The following TEX15 variants were observed in gnomAD, a reference collection of about 807,000 sequenced individuals.
TEX15 encodes testis-expressed protein 15.
TEX15 carries 171 observed loss-of-function variants against 237.3 expected under a neutral mutation model. That is an observed-to-expected ratio of 0.72 (90% CI 0.64 to 0.82). The LOEUF is 0.82. TEX15 is among the 40% of genes least tolerant of loss of function. The pLI is 0.00. For missense variants in TEX15, 3,750 were observed against 3,646.5 expected, an observed-to-expected ratio of 1.03 and a Z score of -0.73; for synonymous variants, 1,338 against 1,269.8, an observed-to-expected ratio of 1.05 and a Z score of -1.14.
chr8:30,851,293 G>A (rs1807778256), intron 7 of TEX15, among the ~76,000 whole-genome samples: 1 of 152,206 alleles, frequency 6.6e-6, no homozygotes, highest in Non-Finnish European at 1.5e-5. Flanking sequence ...TATAACAAAT[G>A]TCCTAGAAGA....
At chr8:30,854,590 T>C (rs1807866131) in intron 7 of TEX15, among the ~76,000 whole-genome samples, 1 of 152,116 alleles carries the variant, frequency 6.6e-6, no homozygotes, top group African/African-American at 2.4e-5. Context: ...CAATTCTTCA[T>C]ATATTATTCC....
intron 4 of TEX15, among the ~76,000 whole-genome samples, chr8:30,872,951 A>T (rs1318606210): frequency 2.0e-5 from 3 of 152,294 alleles, no homozygotes; most frequent in East Asian, 3.9e-4. Context: ...AGCGTAGCCT[A>T]AGTGTACAGT....
chr8:30,836,966 T>C lies in TEX15; in HGVS notation c.9318A>G (p.Ala3106=). 4 of 1,614,206 alleles carry C rather than the reference T, an allele frequency of 2.5e-6. No homozygotes were observed. The highest frequency in any genetic ancestry group is 3.4e-6 in the Non-Finnish European group (4 of 1,180,038). The change falls in exon 10 of 11, where the codon GCA becomes GCG. Residue 3106 remains alanine, a synonymous_variant. Coordinates refer to ENST00000643185, the MANE Select transcript of TEX15 (RefSeq NM_001350162.2). ...ACCCATTCACTGGCACAAAGCCATTTGCTTGTGGCTCCCCCGCAAAATAAG... is the reference window on the plus strand; with the variant it reads ...ACCCATTCACTGGCACAAAGCCATTCGCTTGTGGCTCCCCCGCAAAATAAG... The part of the protein sequence containing the change: ...YFTYFAGEPQ[A]NGFVPVNGYF...
At position 30,859,957 on chromosome 8, in the gene TEX15, G is replaced by A. The variant is rs778522785; in HGVS notation, c.641C>T (p.Ala214Val). Residue 214 changes from alanine to valine, a missense_variant, in exon 6 of 11, where the codon GCA becomes GTA. Ala to Val is a moderately conservative substitution (Grantham distance 64). Transcript: ENST00000643185. ...TTCAATGGTATCTTTCAAAGAAGGT[G>A]CATTTCTTGACATATGGCAATCAAA... Reference protein sequence around the residue: ...PNFDCHMSRNAPSLKDTIELQ... With the variant: ...PNFDCHMSRNVPSLKDTIELQ... 1 of 1,514,872 alleles carries A rather than the reference G, an allele frequency of 6.6e-7. No homozygotes were observed. The highest frequency in any genetic ancestry group is 1.3e-5 in the South Asian group (1 of 78,442). The allele number at this position is 1,514,872 out of a possible 1,614,324, so 93.8% of individuals were successfully genotyped here.
In TEX15 at chr8:30,843,321, C is replaced by G. The variant is rs778514349; in HGVS notation, c.6846G>C (p.Glu2282Asp). 6.2e-7 allele frequency: 1 copy of G among 1,611,902 alleles called. No homozygotes were observed. Among genetic ancestry groups the G allele is most frequent in the Non-Finnish European group, 8.5e-7 (1 of 1,179,356 alleles). Residue 2282 changes from glutamate to aspartate, a missense_variant, in exon 8 of 11, where the codon GAG becomes GAC. Coordinates refer to ENST00000643185, the MANE Select transcript of TEX15 (RefSeq NM_001350162.2). Reference sequence around the variant, plus strand: ...ATTTTTTGCTGAAGGATTGTGTTCTCTCTTTCCAAACAAGATTTTTTGCAG... The same window carrying G: ...ATTTTTTGCTGAAGGATTGTGTTCTGTCTTTCCAAACAAGATTTTTTGCAG... Reference protein sequence around the residue: ...FDAAKNLVWKERTQSFSKKYS... With the variant: ...FDAAKNLVWKDRTQSFSKKYS...
intron 1 of TEX15, among the ~76,000 whole-genome samples, chr8:30,903,718 C>G (rs1303746827): frequency 1.3e-5 from 2 of 152,222 alleles, no homozygotes; most frequent in African/African-American, 2.4e-5. Flanking sequence ...ATGCCATCCT[C>G]TGTGTTACTG....
At position 30,904,581 on chromosome 8, in the gene TEX15, C is replaced by T. The variant is rs189194421; in HGVS notation, c.-85-5764G>A. On this transcript the variant is annotated intron_variant, in intron 1 of 10. Coordinates refer to ENST00000643185, the MANE Select transcript of TEX15 (RefSeq NM_001350162.2). ...TTTTTAACTAGAAATTCATAAATTTCTAACTAGGATTGACCAATACTGAAT... is the reference window on the plus strand; with the variant it reads ...TTTTTAACTAGAAATTCATAAATTTTTAACTAGGATTGACCAATACTGAAT... Among the ~76,000 whole-genome samples the T allele has an allele frequency of 1.5e-3, 235 of 152,114 alleles. 1 individual carries two copies. The highest frequency in any genetic ancestry group is 5.4e-3 in the African/African-American group (225 of 41,492).
Position 30,879,937 on chromosome 8 carries a change from T to A in TEX15, c.137-4835A>T, listed in dbSNP as rs1306257218. Among the ~76,000 whole-genome samples, 6 of 146,248 alleles carry A rather than the reference T, an allele frequency of 4.1e-5. No individual in the cohort carries two copies. In the South Asian group the frequency reaches 8.6e-4, roughly 21 times the overall value. Reference sequence around the variant, plus strand: ...ATTTATTTAGATTTCCTTTTTTTTTTTAAAAAAAAAAATCAGTATTTTATA... The same window carrying A: ...ATTTATTTAGATTTCCTTTTTTTTTATAAAAAAAAAAATCAGTATTTTATA... On this transcript the variant is annotated intron_variant, in intron 3 of 10. Transcript: ENST00000643185.
chr8:30,880,769 G>T (rs1808502782), intron 3 of TEX15, among the ~76,000 whole-genome samples: 1 of 145,804 alleles, frequency 6.9e-6, no homozygotes. Flanking sequence ...TGAGTTATAT[G>T]CAGATTTTTC....
rs1434239609 is a variant in TEX15 at position 30,844,781 on chromosome 8, C to T, written c.5386G>A (p.Ala1796Thr). 5.0e-6 allele frequency: 8 copies of T among 1,613,356 alleles called. No individual in the cohort carries two copies. The African/African-American group carries it at 8.0e-5, about 16-fold the overall frequency. Residue 1796 changes from alanine (A) to threonine (T), a missense_variant, in exon 8 of 11, where the codon GCA becomes ACA. By Grantham distance (58) the Ala-to-Thr change is moderately conservative. Coordinates refer to ENST00000643185, the MANE Select transcript of TEX15 (RefSeq NM_001350162.2). The stretch of plus-strand genomic sequence containing the variant: ...CTTTTATCTTCTTCAGTTCCTGATG[C>T]TACATCCAACTCATAATTCTCAGTG... ...NVTENYELDV[A>T]SGTEEDKSYG...
chr8:30,858,713 T>C lies in TEX15; in HGVS notation c.805A>G (p.Met269Val), dbSNP rs1265169246. 7.2e-6 allele frequency: 11 copies of C among 1,535,814 alleles called. No individual in the cohort carries two copies. Among genetic ancestry groups the C allele is most frequent in the Non-Finnish European group, 6.1e-6 (7 of 1,146,794 alleles). The change falls in exon 7 of 11, where the codon ATG becomes GTG. Residue 269 changes from methionine (M) to valine (V), a missense_variant. By Grantham distance (21) the Met-to-Val change is conservative. Coordinates refer to ENST00000643185, the MANE Select transcript of TEX15 (RefSeq NM_001350162.2). Reference sequence around the variant, plus strand: ...GTTGAGAGGAATCTCAAAGATGTCATAAGGCGTCCATTATCTACTTTTGAA... The same window carrying C: ...GTTGAGAGGAATCTCAAAGATGTCACAAGGCGTCCATTATCTACTTTTGAA... ...LGSKVDNGRL[M>V]TSLRFLSTGF...
chr8:30,895,738 T>A (rs980862903), intron 2 of TEX15, among the ~76,000 whole-genome samples: 2 of 134,320 alleles, frequency 1.5e-5, no homozygotes, highest in Non-Finnish European at 3.1e-5. Context: ...TGGAGTGCAG[T>A]GGTGCGATCT....
chr8:30,879,325 T>C (rs768094920), intron 3 of TEX15, among the ~76,000 whole-genome samples: 32 of 152,222 alleles, frequency 2.1e-4, no homozygotes, highest in Non-Finnish European at 3.8e-4. Flanking sequence ...GATTGTGTTT[T>C]TGGTATCATG....
intron 6 of TEX15, among the ~76,000 whole-genome samples, chr8:30,859,628 C>G (rs1017108441): frequency 3.3e-5 from 5 of 152,034 alleles, no homozygotes; most frequent in Non-Finnish European, 7.4e-5. Flanking sequence ...TGCTGTGCAG[C>G]CTTGTTTAAA....
intron 1 of TEX15, among the ~76,000 whole-genome samples, chr8:30,899,243 A>G (rs2344115): frequency 0.46 from 70,197 of 152,014 alleles, 21,243 homozygotes; most frequent in African/African-American, 0.87. Context: ...TACATGCTAC[A>G]CACAGTATAG....
chr8:30,911,380 G>C (rs958720737), intron 1 of TEX15, among the ~76,000 whole-genome samples: 1 of 152,098 alleles, frequency 6.6e-6, no homozygotes, highest in Non-Finnish European at 1.5e-5. Context: ...TCGAACTCCT[G>C]GGCTCATGCG....
Position 30,844,392 on chromosome 8 carries a change from C to T in TEX15, c.5775G>A (p.Lys1925=). 1.2e-6 allele frequency: 2 copies of T among 1,610,244 alleles called. No homozygotes were observed. Among genetic ancestry groups the T allele is most frequent in the Non-Finnish European group, 1.7e-6 (2 of 1,178,550 alleles). Residue 1925 remains lysine (K), a synonymous_variant, in exon 8 of 11, where the codon AAG becomes AAA. Coordinates refer to ENST00000643185, the MANE Select transcript of TEX15 (RefSeq NM_001350162.2). ...AGTCTTTACTAACTTTAATTTCCCC[C>T]TTCTTCTCTCTTTTGTTAAGCGGAT... The part of the protein sequence containing the change: ...VSNPLNKREK[K]GEIKVSKDSQ...
intron 8 of TEX15, among the ~76,000 whole-genome samples, chr8:30,840,575 C>T (rs561096662): frequency 2.2e-4 from 34 of 152,242 alleles, no homozygotes; most frequent in African/African-American, 8.2e-4. Flanking sequence ...TTGCTAAGCC[C>T]CATCGATTCT....
chr8:30,906,269 CTTTG>C (rs1312051419), intron 1 of TEX15, among the ~76,000 whole-genome samples: 1 of 152,082 alleles, frequency 6.6e-6, no homozygotes, highest in African/African-American at 2.4e-5. Flanking sequence ...CCTGGGAAGT[CTTTG>C]TTTCTGTTTT....
Sources: gnomAD v4.1 joint callset for allele counts (sites outside exome capture counted in the v4.1 genomes callset) on GRCh38, gnomAD v4.1.1 for gene constraint, MANE v1.5 for transcripts, NCBI Gene and HGNC (gene_info 2026-07-23, HGNC 2026-07-21) for gene names.